YEATS2: variants seen among roughly 807,000 people sequenced by gnomAD.
YEATS2 encodes the protein YEATS domain containing 2.
A neutral mutation model predicts 163.2 loss-of-function variants in YEATS2; 77 were observed. The ratio of observed to expected loss-of-function variants is 0.47; its 90% CI spans 0.39 to 0.57. The LOEUF is 0.57. Among genes scored for constraint, YEATS2 ranks in the 20% least tolerant of loss-of-function variants. YEATS2 has a pLI of 0.00. For synonymous variants in YEATS2, 631 were observed against 645.1 expected, an observed-to-expected ratio of 0.98 and a Z score of 0.33; for missense variants, 1,549 against 1,729.8, an observed-to-expected ratio of 0.90 and a Z score of 1.85.
chr3:183,798,091 C>T, intron 22 of YEATS2, 40 bp downstream of exon 22: 1 of 1,608,400 alleles, frequency 6.2e-7, no homozygotes, highest in Non-Finnish European at 8.5e-7. Context: ...CTGTGGCTGC[C>T]TCCACATCTC....
At position 183,809,510 on chromosome 3, in the gene YEATS2, A is replaced by G. The variant is rs1366923720; in HGVS notation, c.4160+340A>G. ...CAGACACGAGGGCCAAGCGTTGCAT[A>G]TATTACCTAATTTGTTTTTCATTGC... On this transcript the variant is annotated intron_variant, in intron 30 of 30. Coordinates refer to ENST00000305135, the MANE Select transcript of YEATS2 (RefSeq NM_018023.5). 3.9e-5 allele frequency: 7 copies of G among 177,816 alleles called. No homozygotes were observed. The East Asian group carries it at 4.3e-4, about 11-fold the overall frequency. 11.0% of individuals were successfully genotyped at this position (177,816 alleles called of 1,614,324 possible).
intron 1 of YEATS2, among the ~76,000 whole-genome samples, chr3:183,712,395 G>C (rs1239105108): frequency 6.6e-6 from 1 of 151,446 alleles, no homozygotes; most frequent in Non-Finnish European, 1.5e-5. Context: ...ATTTTTAGTA[G>C]AGACGAGGTT....
At chr3:183,698,851 A>T (rs1428672100) in intron 1 of YEATS2, among the ~76,000 whole-genome samples, 1 of 152,184 alleles carries the variant, frequency 6.6e-6, no homozygotes, top group Non-Finnish European at 1.5e-5. Flanking sequence ...AGAAAAATTT[A>T]AAAATACAAG....
chr3:183,718,729 C>T (rs572680288), intron 4 of YEATS2, 137 bp downstream of exon 4: 27 of 715,414 alleles, frequency 3.8e-5, no homozygotes, highest in Middle Eastern at 2.9e-4. Flanking sequence ...GACGGAGTCT[C>T]GCTGTGTCAC....
chr3:183,710,883 G>A (rs1715127209), intron 1 of YEATS2, among the ~76,000 whole-genome samples: 1 of 152,292 alleles, frequency 6.6e-6, no homozygotes, highest in East Asian at 1.9e-4. Flanking sequence ...CATCTTTGTA[G>A]ATAATCTCCT....
intron 7 of YEATS2, among the ~76,000 whole-genome samples, chr3:183,735,723 C>G (rs1718265756): frequency 6.6e-6 from 1 of 151,126 alleles, no homozygotes; most frequent in Admixed American, 6.6e-5. Flanking sequence ...GAGTCTTGCT[C>G]TGTCTCAGGC....
rs751410911 is a variant in YEATS2, at chr3:183,788,540, G to A, written c.2913+2239G>A. ...GTATATGTACCACATTTTCTTTATC[G>A]TTCACCTGGTGATGGACACTTAGGT... On this transcript the variant is annotated intron_variant, in intron 20 of 30. Coordinates refer to ENST00000305135, the MANE Select transcript of YEATS2 (RefSeq NM_018023.5). Among the ~76,000 whole-genome samples the A allele has an allele frequency of 4.6e-5, 7 of 152,152 alleles. No homozygotes were observed. In the South Asian group the frequency reaches 1.2e-3, roughly 27 times the overall value.
At chr3:183,710,085 A>G (rs1372509840) in intron 1 of YEATS2, among the ~76,000 whole-genome samples, 1 of 152,188 alleles carries the variant, frequency 6.6e-6, no homozygotes, top group Non-Finnish European at 1.5e-5. Flanking sequence ...TATAGAGAAA[A>G]TTCTTTCTCA....
intron 1 of YEATS2, among the ~76,000 whole-genome samples, chr3:183,701,377 G>A (rs897617109): frequency 6.7e-6 from 1 of 148,666 alleles, no homozygotes; most frequent in African/African-American, 2.5e-5. Context: ...GAGCCACCGC[G>A]CCCGGCCGGT....
Position 183,756,634 on chromosome 3 carries a change from T to C in YEATS2, c.1497T>C (p.Tyr499=), listed in dbSNP as rs754431903. ...GTAGSVINNP[Y]VIMDKQPGQV... ...CCGGCTCTGTTATTAATAATCCTTA[T>C]GTTATCATGGACAAGCAGCCGGGGC... The change falls in exon 12 of 31, where the codon TAT becomes TAC. Residue 499 remains tyrosine (Y), a synonymous_variant. Coordinates refer to ENST00000305135, the MANE Select transcript of YEATS2 (RefSeq NM_018023.5). 5.6e-6 allele frequency: 9 copies of C among 1,601,442 alleles called. No homozygotes were observed. The East Asian group carries it at 1.4e-4, about 24-fold the overall frequency.
chr3:183,700,696 G>C (rs1278119104), intron 1 of YEATS2, among the ~76,000 whole-genome samples: 1 of 141,126 alleles, frequency 7.1e-6, no homozygotes, highest in Non-Finnish European at 1.5e-5. Flanking sequence ...GCTTGAACCC[G>C]GGAGGTGGAG....
In YEATS2 at chr3:183,808,076, C is replaced by T. The variant is rs1267738637; in HGVS notation, c.4058C>T (p.Ala1353Val). 50 of 1,558,854 alleles carry T rather than the reference C, an allele frequency of 3.2e-5. No individual in the cohort carries two copies. Among genetic ancestry groups the T allele is most frequent in the Admixed American group, 7.7e-5 (4 of 52,068 alleles). The change falls in exon 29 of 31, where the codon GCG becomes GTG. Residue 1353 changes from alanine (A) to valine (V), a missense_variant. By Grantham distance (64) the Ala-to-Val change is moderately conservative. Coordinates refer to ENST00000305135, the MANE Select transcript of YEATS2 (RefSeq NM_018023.5). Reference sequence around the variant, plus strand: ...GTGGCACTCCACAGGAACGTGTATGCGTCCGTGGTGGAGGACATGATCCTG... The same window carrying T: ...GTGGCACTCCACAGGAACGTGTATGTGTCCGTGGTGGAGGACATGATCCTG... Reference protein sequence around the residue: ...QPVALHRNVYASVVEDMILKA... With the variant: ...QPVALHRNVYVSVVEDMILKA...
chr3:183,778,952 C>A (rs1294531712), intron 19 of YEATS2, among the ~76,000 whole-genome samples: 1 of 151,896 alleles, frequency 6.6e-6, no homozygotes, highest in Non-Finnish European at 1.5e-5. Context: ...TATTTCTTTT[C>A]TTTTTATATA....
chr3:183,723,522 C>T (rs1203282121), intron 5 of YEATS2, among the ~76,000 whole-genome samples: 2 of 152,204 alleles, frequency 1.3e-5, no homozygotes, highest in African/African-American at 2.4e-5. Context: ...GAGGCTGCCA[C>T]CCCCAAAATC....
chr3:183,762,384 A>C, intron 15 of YEATS2, 105 bp downstream of exon 15: 1 of 1,372,534 alleles, frequency 7.3e-7, no homozygotes, highest in Non-Finnish European at 9.8e-7. Context: ...TGATGATCCC[A>C]TAAGAACCTG....
At chr3:183,707,170 A>G (rs1714701204) in intron 1 of YEATS2, among the ~76,000 whole-genome samples, 1 of 152,220 alleles carries the variant, frequency 6.6e-6, no homozygotes, top group Non-Finnish European at 1.5e-5. Flanking sequence ...ATCTTGGGTA[A>G]GGAATACTCA....
chr3:183,800,122 G>T (rs1338087366), intron 23 of YEATS2, among the ~76,000 whole-genome samples: 1 of 152,098 alleles, frequency 6.6e-6, no homozygotes, highest in African/African-American at 2.4e-5. Context: ...GTGAGCCACC[G>T]CGCCCGGCCC....
At chr3:183,704,818 G>A (rs1395960236) in intron 1 of YEATS2, among the ~76,000 whole-genome samples, 13 of 151,752 alleles carry the variant, frequency 8.6e-5, no homozygotes, top group Admixed American at 2.0e-4. Flanking sequence ...TAGTAGAGAC[G>A]GGGTTTTACC....
At chr3:183,721,847 T>A (rs1182290274) in intron 4 of YEATS2, 44 bp from the exon 5 acceptor site, 14 of 1,602,832 alleles carry the variant, frequency 8.7e-6, no homozygotes, top group Non-Finnish European at 1.2e-5. Context: ...CTGCTTTTGA[T>A]GGATTTGATT....
Sources: allele counts gnomAD v4.1 joint callset (sites outside exome capture counted in the v4.1 genomes callset), GRCh38; gene constraint gnomAD v4.1.1; transcripts MANE v1.5; gene names NCBI Gene and HGNC (gene_info 2026-07-23, HGNC 2026-07-21).